LZTS1: variants seen among roughly 807,000 people sequenced by gnomAD.
LZTS1 encodes leucine zipper tumor suppressor 1.
In LZTS1, 31 loss-of-function variants were observed where a neutral mutation model predicts 45.8. The ratio of observed to expected loss-of-function variants is 0.68; its 90% CI spans 0.51 to 0.91. LZTS1 has a LOEUF of 0.91. LZTS1 is among the 40% of genes least tolerant of loss of function. The pLI is 0.00. For missense variants in LZTS1, 821 were observed against 788.9 expected, an observed-to-expected ratio of 1.04 and a Z score of -0.49; for synonymous variants, 359 against 357.3, an observed-to-expected ratio of 1.00 and a Z score of -0.05.
At chr8:20,297,673 C>T (rs957029100) in intron 1 of LZTS1, among the ~76,000 whole-genome samples, 1 of 152,114 alleles carries the variant, frequency 6.6e-6, no homozygotes, top group African/African-American at 2.4e-5. Flanking sequence ...ACCTTGGCCT[C>T]CTAAATTGCT....
chr8:20,251,489 C>A (rs1799908330), intron 3 of LZTS1, among the ~76,000 whole-genome samples: 1 of 152,124 alleles, frequency 6.6e-6, no homozygotes, highest in Non-Finnish European at 1.5e-5. Flanking sequence ...TTCTGTAGAG[C>A]CACATGCTCT....
At chr8:20,287,038 C>T (rs1800804330) in intron 1 of LZTS1, among the ~76,000 whole-genome samples, 1 of 140,294 alleles carries the variant, frequency 7.1e-6, no homozygotes, top group Non-Finnish European at 1.5e-5. Context: ...AGTTGTTCAC[C>T]TATGGTTTGT....
chr8:20,274,090 G>A (rs954398942), intron 1 of LZTS1, among the ~76,000 whole-genome samples: 1 of 152,068 alleles, frequency 6.6e-6, no homozygotes, highest in Non-Finnish European at 1.5e-5. Flanking sequence ...CCGTATCTGT[G>A]AGGCCCCTTC....
intron 3 of LZTS1, among the ~76,000 whole-genome samples, chr8:20,251,140 T>TATATATATATATATATATATAA (rs1563850986): frequency 1.3e-4 from 11 of 86,430 alleles, no homozygotes; most frequent in African/African-American, 5.4e-4. Context: ...TATATATATA[T>TATATATATATATATATATATAA]ATATATATAA....
chr8:20,299,141 T>TGCACTCCA (rs1801028846), intron 1 of LZTS1, among the ~76,000 whole-genome samples: 1 of 152,168 alleles, frequency 6.6e-6, no homozygotes, highest in African/African-American at 2.4e-5. Flanking sequence ...TCTGGGTGGC[T>TGCACTCCA]GGCCAAACCC....
intron 1 of LZTS1, among the ~76,000 whole-genome samples, chr8:20,268,113 G>T (rs900240000): frequency 1.3e-5 from 2 of 151,882 alleles, no homozygotes; most frequent in Non-Finnish European, 1.5e-5. Flanking sequence ...TTAGATCCTC[G>T]CATTTCTTGA....
intron 1 of LZTS1, among the ~76,000 whole-genome samples, chr8:20,263,699 G>T (rs73607959): frequency 1.3e-5 from 2 of 151,936 alleles, no homozygotes; most frequent in African/African-American, 4.8e-5. Context: ...TCCCCAAGAG[G>T]TGGGCGGACC....
In LZTS1 at chr8:20,303,772, T is replaced by A; in HGVS notation, c.-167A>T. 1 of 970,948 alleles carries A rather than the reference T, an allele frequency of 1.0e-6. No individual in the cohort carries two copies. Among genetic ancestry groups the A allele is most frequent in the Non-Finnish European group, 1.2e-6 (1 of 818,850 alleles). The allele number at this position is 970,948 out of a possible 1,614,324, so 60.1% of individuals were successfully genotyped here. A position where few individuals can be genotyped will look rare whatever the true frequency, so the allele number is the denominator to read the frequency against. On this transcript the variant is annotated 5_prime_UTR_variant, in exon 1 of 4. Coordinates refer to ENST00000381569, the MANE Select transcript of LZTS1 (RefSeq NM_021020.5). ...CTGCGCCTCGGGCGCACTTGAGACT[T>A]TTTTTTTTTCCCAGTGTTTCCCGGT...
intron 1 of LZTS1, among the ~76,000 whole-genome samples, chr8:20,271,864 G>A (rs1800480466): frequency 2.0e-5 from 3 of 152,244 alleles, no homozygotes; most frequent in Admixed American, 1.3e-4. Context: ...CCATAGGCGA[G>A]CCAGGTGAAA....
rs904003 is a variant in LZTS1, at chr8:20,249,632, G to T, written c.*90C>A. 1.4e-6 allele frequency: 2 copies of T among 1,478,162 alleles called. No individual in the cohort carries two copies. The highest frequency in any genetic ancestry group is 2.0e-5 in the Admixed American group (1 of 49,294). 91.6% of individuals were successfully genotyped at this position (1,478,162 alleles called of 1,614,324 possible). On this transcript the variant is annotated 3_prime_UTR_variant, in exon 4 of 4. Coordinates refer to ENST00000381569, the MANE Select transcript of LZTS1 (RefSeq NM_021020.5). ...GTGTCCCAGGGAGTGGCGTCTCTCA[G>T]AGGGGTCTGAATTGCTGAGCAGGGG...
intron 1 of LZTS1, among the ~76,000 whole-genome samples, chr8:20,282,356 GA>G (rs1413695039): frequency 2.6e-5 from 4 of 152,238 alleles, no homozygotes; most frequent in African/African-American, 9.6e-5. Context: ...GGCAGATGCA[GA>G]ATGGTGTTTG....
At chr8:20,291,528 G>C (rs1201545427) in intron 1 of LZTS1, among the ~76,000 whole-genome samples, 1 of 152,240 alleles carries the variant, frequency 6.6e-6, no homozygotes, top group Non-Finnish European at 1.5e-5. Context: ...TTACAAATGA[G>C]AAAATTGAGG....
chr8:20,286,912 G>T (rs1437289705), intron 1 of LZTS1, among the ~76,000 whole-genome samples: 1 of 152,172 alleles, frequency 6.6e-6, no homozygotes, highest in Admixed American at 6.5e-5. Flanking sequence ...AAATTATGGT[G>T]TCAGGATGGG....
At chr8:20,284,280 C>T (rs548934433) in intron 1 of LZTS1, among the ~76,000 whole-genome samples, 1 of 152,288 alleles carries the variant, frequency 6.6e-6, no homozygotes, top group Non-Finnish European at 1.5e-5. Flanking sequence ...GAAGAAGCAC[C>T]GGCCATGCCA....
At chr8:20,254,481 G>C (rs148010252) in intron 2 of LZTS1, among the ~76,000 whole-genome samples, 198 of 152,322 alleles carry the variant, frequency 1.3e-3, no homozygotes, top group African/African-American at 4.4e-3. Context: ...TGTGCTTCCA[G>C]ATGAGAACAG....
In LZTS1 at chr8:20,278,875, A is replaced by C. The variant is rs186693887; in HGVS notation, c.-134-23560T>G. On this transcript the variant is annotated intron_variant, in intron 1 of 3. Transcript: ENST00000381569. ...CTCTCCTCTCTCCAATAATTGTCTT[A>C]ATTTCCTTCCTCGGAGATCTGTACT... 4.3e-4 allele frequency among the ~76,000 whole-genome samples: 66 copies of C among 152,192 alleles called. 1 individual carries two copies. The South Asian group carries it at 7.5e-3, about 17-fold the overall frequency.
intron 1 of LZTS1, among the ~76,000 whole-genome samples, chr8:20,283,389 C>A (rs989152833): frequency 2.0e-5 from 3 of 152,098 alleles, no homozygotes; most frequent in African/African-American, 7.2e-5. Context: ...TGCTATGAAC[C>A]AGAAAGTGGG....
intron 1 of LZTS1, among the ~76,000 whole-genome samples, chr8:20,276,742 A>G (rs1800591806): frequency 6.6e-6 from 1 of 152,248 alleles, no homozygotes; most frequent in African/African-American, 2.4e-5. Context: ...ATCTCCAGGT[A>G]GGTAGTGCCA....
intron 1 of LZTS1, among the ~76,000 whole-genome samples, chr8:20,297,716 C>G (rs1011238473): frequency 6.6e-6 from 1 of 152,086 alleles, no homozygotes; most frequent in East Asian, 1.9e-4. Flanking sequence ...ACGCCAGGCC[C>G]TAGTTTATTG....
Sources: gnomAD v4.1 joint callset for allele counts (sites outside exome capture counted in the v4.1 genomes callset) on GRCh38, gnomAD v4.1.1 for gene constraint, MANE v1.5 for transcripts, NCBI Gene and HGNC (gene_info 2026-07-23, HGNC 2026-07-21) for gene names.